The following PLCB1 variants were observed in gnomAD, a reference collection of about 807,000 sequenced individuals.
PLCB1 encodes the protein phospholipase C beta 1, also known as 1-phosphatidylinositol 4,5-bisphosphate phosphodiesterase beta-1.
A neutral mutation model predicts 161.8 loss-of-function variants in PLCB1; 46 were observed. That is an observed-to-expected ratio of 0.28 (90% confidence interval 0.22 to 0.36). The LOEUF (loss-of-function observed/expected upper bound fraction) is 0.36. Ranked by LOEUF, PLCB1 falls within the 10% of genes least tolerant of loss-of-function variation. The pLI is 1.00. For missense variants in PLCB1, 1,016 were observed against 1,472.5 expected (o/e 0.69, Z 5.07); for synonymous variants, 517 against 503.7 (o/e 1.03, Z -0.35).
intron 14 of PLCB1, among the ~76,000 whole-genome samples, chr20:8,721,724 C>T (rs781718887): frequency 2.2e-4 from 33 of 152,134 alleles, no homozygotes; most frequent in Non-Finnish European, 4.4e-4. Context: ...AATAAGCTTG[C>T]AGACAAATCA....
At chr20:8,821,519 A>T (rs867639255) in intron 31 of PLCB1, among the ~76,000 whole-genome samples, 4 of 25,572 alleles carry the variant, frequency 1.6e-4, no homozygotes, top group African/African-American at 6.2e-4. Context: ...ATATATATAT[A>T]TATATATATA....
At chr20:8,828,618 A>G (rs960918748) in intron 31 of PLCB1, among the ~76,000 whole-genome samples, 1 of 152,128 alleles carries the variant, frequency 6.6e-6, no homozygotes, top group Non-Finnish European at 1.5e-5. Flanking sequence ...TCAGAATAGG[A>G]GCTATTGAGA....
intron 27 of PLCB1, among the ~76,000 whole-genome samples, chr20:8,787,481 TTTGGGAA>T (rs1229750971): frequency 1.5e-4 from 23 of 152,204 alleles, no homozygotes; most frequent in African/African-American, 4.1e-4. Flanking sequence ...CTTATATGTT[TTTGGGAA>T]AGAGAATCTC....
intron 2 of PLCB1, among the ~76,000 whole-genome samples, chr20:8,164,334 T>C (rs1299828040): frequency 6.6e-6 from 1 of 152,222 alleles, no homozygotes; most frequent in East Asian, 1.9e-4. Flanking sequence ...GAGCATTGAC[T>C]GGTTTAGCCA....
chr20:8,181,844 T>C (rs993482), intron 2 of PLCB1, among the ~76,000 whole-genome samples: 88,024 of 151,908 alleles, frequency 0.58, 27,018 homozygotes, highest in African/African-American at 0.79. Context: ...GCGAATCACA[T>C]CTATAGTCCC....
chr20:8,628,240 A>C, intron 3 of PLCB1, 54 bp from the exon 4 acceptor site: 1 of 1,326,266 alleles, frequency 7.5e-7, no homozygotes, highest in Non-Finnish European at 1.1e-6. Context: ...AAGTTATGCT[A>C]TCACGTTGGA....
At chr20:8,849,800 G>T (rs1031767136) in intron 31 of PLCB1, among the ~76,000 whole-genome samples, 2 of 152,088 alleles carry the variant, frequency 1.3e-5, no homozygotes, top group African/African-American at 4.8e-5. Context: ...GGATCACGAG[G>T]TCAAGAGATC....
chr20:8,452,069 T>C (rs1981098959), intron 3 of PLCB1, among the ~76,000 whole-genome samples: 1 of 152,238 alleles, frequency 6.6e-6, no homozygotes, highest in Non-Finnish European at 1.5e-5. Flanking sequence ...TTTGAAACAA[T>C]GTTGATTCTG....
At chr20:8,760,170 G>T (rs1416818962) in intron 24 of PLCB1, among the ~76,000 whole-genome samples, 2 of 152,062 alleles carry the variant, frequency 1.3e-5, no homozygotes, top group Non-Finnish European at 2.9e-5. Flanking sequence ...CTCCCAAAGT[G>T]CCGGGATTAC....
At chr20:8,555,059 C>CT (rs1358216248) in intron 3 of PLCB1, among the ~76,000 whole-genome samples, 1 of 152,066 alleles carries the variant, frequency 6.6e-6, no homozygotes, top group Admixed American at 6.6e-5. Context: ...ATGTTAGTCA[C>CT]TTTTTTCTTG....
intron 5 of PLCB1, 55 bp from the exon 6 acceptor site, chr20:8,647,845 G>GA (rs987377359): frequency 4.8e-5 from 68 of 1,406,252 alleles, no homozygotes; most frequent in Middle Eastern, 1.8e-4. Context: ...TATTGTTCAA[G>GA]AAAAAAAAGC....
chr20:8,765,154 C>A lies in PLCB1; in HGVS notation c.2726C>A (p.Thr909Asn). 1 of 1,613,270 alleles carries A rather than the reference C, an allele frequency of 6.2e-7. No homozygotes were observed. Among genetic ancestry groups the A allele is most frequent in the Non-Finnish European group, 8.5e-7 (1 of 1,179,700 alleles). The change falls in exon 26 of 32, where the codon ACC becomes AAC. Residue 909 changes from threonine (T) to asparagine (N), a missense_variant. Thr to Asn is a moderately conservative substitution (Grantham distance 65). Coordinates refer to ENST00000338037, the MANE Select transcript of PLCB1 (RefSeq NM_015192.4). Reference protein sequence around the residue: ...QSVLTEVEAQTIEELKQQKSF... With the variant: ...QSVLTEVEAQNIEELKQQKSF... ...TTTGTTGCAGAAGTGGAAGCACAGA[C>A]CATCGAAGAACTAAAGCAACAGAAA...
At chr20:8,851,443 T>C (rs930545050) in intron 31 of PLCB1, among the ~76,000 whole-genome samples, 1 of 152,248 alleles carries the variant, frequency 6.6e-6, no homozygotes, top group African/African-American at 2.4e-5. Flanking sequence ...CTTGAAGATT[T>C]ATACTGGGCT....
intron 2 of PLCB1, among the ~76,000 whole-genome samples, chr20:8,165,169 G>T (rs1219621511): frequency 1.3e-5 from 2 of 152,200 alleles, no homozygotes. Context: ...CATGAGGAAA[G>T]AACATGTCTT....
chr20:8,552,994 G>A (rs1482979701), intron 3 of PLCB1, among the ~76,000 whole-genome samples: 1 of 152,092 alleles, frequency 6.6e-6, no homozygotes, highest in African/African-American at 2.4e-5. Context: ...AGCTATTCCT[G>A]AGCTGTATCT....
intron 2 of PLCB1, among the ~76,000 whole-genome samples, chr20:8,213,747 A>G (rs140231563): frequency 1.6e-3 from 244 of 151,792 alleles, no homozygotes; most frequent in Non-Finnish European, 2.6e-3. Flanking sequence ...CATTATCACA[A>G]ATTGTCATGA....
At chr20:8,168,689 G>A (rs932920016) in intron 2 of PLCB1, among the ~76,000 whole-genome samples, 1 of 151,752 alleles carries the variant, frequency 6.6e-6, no homozygotes, top group Non-Finnish European at 1.5e-5. Context: ...ATACTAGTTT[G>A]TTGTGCTATT....
intron 3 of PLCB1, among the ~76,000 whole-genome samples, chr20:8,605,610 CTTTTTTT>C (rs74685527): frequency 1.0e-4 from 9 of 88,286 alleles, no homozygotes; most frequent in Non-Finnish European, 1.8e-4. Flanking sequence ...TTGGTGTTTT[CTTTTTTT>C]TTTTTTTTTT....
At chr20:8,338,587 A>G (rs1205385921) in intron 2 of PLCB1, among the ~76,000 whole-genome samples, 3 of 152,218 alleles carry the variant, frequency 2.0e-5, no homozygotes, top group Non-Finnish European at 4.4e-5. Context: ...CCCAGCTGTC[A>G]GAACAAGAAA....
Sources: allele counts gnomAD v4.1 joint callset (sites outside exome capture counted in the v4.1 genomes callset), GRCh38; gene constraint gnomAD v4.1.1; transcripts MANE v1.5; gene names NCBI Gene and HGNC (gene_info 2026-07-23, HGNC 2026-07-21).